MKX: variants seen among roughly 807,000 people sequenced by gnomAD.
The protein encoded by MKX is homeobox protein Mohawk.
MKX carries 13 observed loss-of-function variants against 36.0 expected under a neutral mutation model. The ratio of observed to expected loss-of-function variants is 0.36; its 90% CI spans 0.24 to 0.57. The LOEUF (loss-of-function observed/expected upper bound fraction) is 0.57, where lower values mean the gene tolerates loss of function less well. Among genes scored for constraint, MKX ranks in the 20% least tolerant of loss-of-function variants. MKX has a pLI of 0.79. For synonymous variants in MKX, 176 were observed against 178.3 expected (o/e 0.99, Z 0.10); for missense variants, 458 against 456.4 (o/e 1.00, Z -0.03).
intron 5 of MKX, among the ~76,000 whole-genome samples, chr10:27,719,398 A>G (rs1341225868): frequency 6.6e-6 from 1 of 152,190 alleles, no homozygotes; most frequent in Non-Finnish European, 1.5e-5. Flanking sequence ...AGCTGTCAGA[A>G]GAGCTAGGGC....
At chr10:27,689,598 G>A (rs994934425) in intron 5 of MKX, among the ~76,000 whole-genome samples, 1 of 152,136 alleles carries the variant, frequency 6.6e-6, no homozygotes, top group Non-Finnish European at 1.5e-5. Flanking sequence ...CATAAAGGCG[G>A]GGTAAAACTC....
intron 5 of MKX, among the ~76,000 whole-genome samples, chr10:27,698,007 G>C (rs746447040): frequency 1.3e-5 from 2 of 152,174 alleles, no homozygotes; most frequent in African/African-American, 2.4e-5. Flanking sequence ...ACATGGAAAA[G>C]ATTGGAATGC....
In MKX at chr10:27,745,717, G is replaced by T. The variant is rs1156379500; in HGVS notation, c.-93C>A. The T allele has an allele frequency of 6.6e-6, 1 of 152,620 alleles. No homozygotes were observed. The highest frequency in any genetic ancestry group is 2.4e-5 in the African/African-American group (1 of 41,462). The allele number at this position is 152,620 out of a possible 1,614,324, so 9.5% of individuals were successfully genotyped here. On this transcript the variant is annotated 5_prime_UTR_variant, in exon 1 of 7. Coordinates refer to ENST00000419761, the MANE Select transcript of MKX (RefSeq NM_173576.3). Reference sequence around the variant, plus strand: ...ACGCGGGGGCTGTACCTGTGGCTGCGGGGCCGACGGCCGGCTGCAGGGCGG... The same window carrying T: ...ACGCGGGGGCTGTACCTGTGGCTGCTGGGCCGACGGCCGGCTGCAGGGCGG...
intron 5 of MKX, among the ~76,000 whole-genome samples, chr10:27,719,152 A>G (rs1378322399): frequency 6.6e-6 from 1 of 152,208 alleles, no homozygotes; most frequent in Admixed American, 6.5e-5. Context: ...CTCAAAAACA[A>G]TAAAAGGTAC....
At chr10:27,685,348 G>A (rs1836322975) in intron 5 of MKX, among the ~76,000 whole-genome samples, 1 of 151,850 alleles carries the variant, frequency 6.6e-6, no homozygotes, top group Admixed American at 6.6e-5. Flanking sequence ...TTCTCCTTAT[G>A]ATTTAATATG....
intron 5 of MKX, among the ~76,000 whole-genome samples, chr10:27,726,566 T>A (rs1016725590): frequency 1.3e-5 from 2 of 152,176 alleles, no homozygotes; most frequent in Admixed American, 6.5e-5. Flanking sequence ...GGATTTTTTT[T>A]AAACTCTCTA....
rs1295390600 is a variant in MKX, at chr10:27,734,777, G to A, written c.517C>T (p.Pro173Ser). The A allele has an allele frequency of 1.2e-6, 2 of 1,610,518 alleles. No homozygotes were observed. The highest frequency in any genetic ancestry group is 2.7e-5 in the African/African-American group (2 of 74,818). The change falls in exon 5 of 7, where the codon CCA becomes TCA. Residue 173 changes from proline to serine, a missense_variant. Physicochemically the swap from Pro to Ser is moderately conservative, Grantham distance 74. Around this residue, in one of 3 missense-constraint regions of MKX, gnomAD observed 297 missense variants for 304.4 expected, o/e 0.98. Coordinates refer to ENST00000419761, the MANE Select transcript of MKX (RefSeq NM_173576.3). ...DSCSEDGENP[P>S]RTHMNEGGYN... ...CCCCCTTCGTTCATGTGGGTTCTTG[G>A]AGGATTTTCTCCATCTAAAGTGGAA...
intron 5 of MKX, among the ~76,000 whole-genome samples, chr10:27,727,250 G>A (rs536190168): frequency 6.6e-6 from 1 of 152,204 alleles, no homozygotes; most frequent in South Asian, 2.1e-4. Flanking sequence ...ATGATAGTGC[G>A]AGTCTCAGCA....
chr10:27,735,014 T>G (rs995167229), intron 4 of MKX, among the ~76,000 whole-genome samples: 1 of 152,234 alleles, frequency 6.6e-6, no homozygotes, highest in African/African-American at 2.4e-5. Context: ...TATGTTATTC[T>G]GACACATGGT....
In MKX at chr10:27,733,713, C is replaced by T. The variant is rs189065468; in HGVS notation, c.838+743G>A. ...TGCATATTCCTTGTTCCAAAGTCAC[C>T]TCATACACTTCTTAAGAGCAAACCT... On this transcript the variant is annotated intron_variant, in intron 5 of 6. Coordinates refer to ENST00000419761, the MANE Select transcript of MKX (RefSeq NM_173576.3). Among the ~76,000 whole-genome samples, 106 of 152,350 alleles carry T rather than the reference C, an allele frequency of 7.0e-4. 1 individual carries two copies. The East Asian group carries it at 0.02, about 28-fold the overall frequency.
In MKX at chr10:27,674,014, C is replaced by T. The variant is rs1171528714; in HGVS notation, c.*1215G>A. 6.6e-6 allele frequency: 1 copy of T among 152,090 alleles called. No individual in the cohort carries two copies. The highest frequency in any genetic ancestry group is 1.5e-5 in the Non-Finnish European group (1 of 68,002). The allele number at this position is 152,090 out of a possible 1,614,324, so 9.4% of individuals were successfully genotyped here. A position where few individuals can be genotyped will look rare whatever the true frequency, so the allele number is the denominator to read the frequency against. ...TATTCAAGTTTCAGGTCTTCCCAAGCTGATTGGAATATTATTGTTTAGTTG... is the reference window on the plus strand; with the variant it reads ...TATTCAAGTTTCAGGTCTTCCCAAGTTGATTGGAATATTATTGTTTAGTTG... On this transcript the variant is annotated 3_prime_UTR_variant, in exon 7 of 7. Transcript: ENST00000419761.
chr10:27,739,707 A>G (rs1834853636), intron 3 of MKX, among the ~76,000 whole-genome samples: 1 of 152,146 alleles, frequency 6.6e-6, no homozygotes, highest in African/African-American at 2.4e-5. Context: ...TATGTCATCA[A>G]TGTTCTTTTG....
intron 5 of MKX, among the ~76,000 whole-genome samples, chr10:27,712,357 G>A (rs186001374): frequency 5.9e-5 from 9 of 152,304 alleles, no homozygotes; most frequent in Admixed American, 3.9e-4. Context: ...GAAGGTGAAG[G>A]GGACCTAGAA....
chr10:27,741,274 G>A lies in MKX; in HGVS notation c.348+71C>T. 1 of 1,581,228 alleles carries A rather than the reference G, an allele frequency of 6.3e-7. No individual in the cohort carries two copies. Among genetic ancestry groups the A allele is most frequent in the East Asian group, 2.3e-5 (1 of 44,212 alleles). On this transcript the variant is annotated intron_variant, in intron 3 of 6. Transcript: ENST00000419761. This position sits in a 1 kb window ranked among gnomAD's most constrained non-coding sequence, Gnocchi z 5.1. ...AGAAGCGCCACGTGGAGAGCCACAC[G>A]AACTCTAAGCGTTCCCGCTCTTCAG...
rs372205062 is a variant in MKX, at chr10:27,702,060, C to T, written c.839-26506G>A. Among the ~76,000 whole-genome samples, 10 of 152,192 alleles carry T rather than the reference C, an allele frequency of 6.6e-5. No individual in the cohort carries two copies. The East Asian group carries it at 9.6e-4, about 15-fold the overall frequency. ...TAGCTTTCAATGCAAAACTGATCTC[C>T]ACTCCTTCCACAAAGGGCAAATTCC... On this transcript the variant is annotated intron_variant, in intron 5 of 6. Transcript: ENST00000419761.
At chr10:27,676,032 A>G (rs1836141268) in intron 5 of MKX, among the ~76,000 whole-genome samples, 1 of 152,192 alleles carries the variant, frequency 6.6e-6, no homozygotes, top group Non-Finnish European at 1.5e-5. Context: ...GCACTTTGGG[A>G]GGCCAAGGCG....
chr10:27,691,890 T>C (rs1241301899), intron 5 of MKX, among the ~76,000 whole-genome samples: 1 of 152,360 alleles, frequency 6.6e-6, no homozygotes, highest in Non-Finnish European at 1.5e-5. Flanking sequence ...AACTTAATTC[T>C]TTTTTATGAC....
rs530729160 is a variant in MKX, at chr10:27,672,996, T to A, written c.*2233A>T. On this transcript the variant is annotated 3_prime_UTR_variant, in exon 7 of 7. Coordinates refer to ENST00000419761, the MANE Select transcript of MKX (RefSeq NM_173576.3). ...GAGGTAATTCTATTTCTCTACAACATAAATTATGAGTTAGATTTTCAGCTG... is the reference window on the plus strand; with the variant it reads ...GAGGTAATTCTATTTCTCTACAACAAAAATTATGAGTTAGATTTTCAGCTG... 7.2e-5 allele frequency: 11 copies of A among 152,206 alleles called. No individual in the cohort carries two copies. The highest frequency in any genetic ancestry group is 7.2e-4 in the Admixed American group (11 of 15,286). The allele number at this position is 152,206 out of a possible 1,614,324, so 9.4% of individuals were successfully genotyped here.
chr10:27,731,655 T>A (rs1834632378), intron 5 of MKX, among the ~76,000 whole-genome samples: 3 of 149,980 alleles, frequency 2.0e-5, no homozygotes, highest in African/African-American at 2.4e-5. Context: ...CTTGCATAAC[T>A]AAAAAAAAAA....
Sources: allele counts gnomAD v4.1 joint callset (sites outside exome capture counted in the v4.1 genomes callset), GRCh38; gene constraint gnomAD v4.1.1; regional missense constraint gnomAD v4.1.1; non-coding constraint Gnocchi (gnomAD v3.1); transcripts MANE v1.5; gene names NCBI Gene and HGNC (gene_info 2026-07-23, HGNC 2026-07-21).